IL15RA: variants seen among roughly 807,000 people sequenced by gnomAD.
IL15RA encodes the protein interleukin-15 receptor subunit alpha.
IL15RA carries 26 observed loss-of-function variants against 24.2 expected under a neutral mutation model. That is an observed-to-expected ratio of 1.07 (90% confidence interval 0.79 to 1.49). The LOEUF (loss-of-function observed/expected upper bound fraction) is 1.49. IL15RA is among the 40% of genes most tolerant of loss of function. IL15RA has a pLI of 0.00. For synonymous variants in IL15RA, 166 were observed against 157.6 expected (o/e 1.05, Z -0.40); for missense variants, 354 against 356.4 (o/e 0.99, Z 0.05).
At position 5,961,488 on chromosome 10, in the gene IL15RA, A is replaced by G. The variant is rs11574674; in HGVS notation, c.383-921T>C. Among the ~76,000 whole-genome samples, 17,995 of 152,264 alleles carry G rather than the reference A, an allele frequency of 0.12. 1,292 individuals carry two copies. Among genetic ancestry groups the G allele is most frequent in the Non-Finnish European group, 0.16 (11,189 of 68,008 alleles). ...TTGTTTACTAGAGAAGGCAGGCCCAACGCTGGAGGCTCAGCTGAGAGCAGG... is the reference window on the plus strand; with the variant it reads ...TTGTTTACTAGAGAAGGCAGGCCCAGCGCTGGAGGCTCAGCTGAGAGCAGG... On this transcript the variant is annotated intron_variant, in intron 3 of 6. Coordinates refer to ENST00000379977, the MANE Select transcript of IL15RA (RefSeq NM_002189.4). The surrounding 1 kb of genome is among the most constrained non-coding windows in gnomAD (Gnocchi z 5.2).
intron 5 of IL15RA, among the ~76,000 whole-genome samples, chr10:5,957,403 G>A (rs1834707753): frequency 6.6e-6 from 1 of 151,960 alleles, no homozygotes; most frequent in Non-Finnish European, 1.5e-5. Context: ...AGCCTCCCGA[G>A]TAGCTGGGAC....
At chr10:5,969,424 G>A (rs1454603810) in intron 1 of IL15RA, among the ~76,000 whole-genome samples, 10 of 152,002 alleles carry the variant, frequency 6.6e-5, no homozygotes, top group Admixed American at 5.9e-4. Flanking sequence ...CCAGCGGGGA[G>A]TGCAGTGGCA....
chr10:5,961,021 C>T lies in IL15RA; in HGVS notation c.383-454G>A, dbSNP rs1835420205. 6.6e-6 allele frequency among the ~76,000 whole-genome samples: 1 copy of T among 152,184 alleles called. No individual in the cohort carries two copies. Among genetic ancestry groups the T allele is most frequent in the African/African-American group, 2.4e-5 (1 of 41,432 alleles). On this transcript the variant is annotated intron_variant, in intron 3 of 6. Coordinates refer to ENST00000379977, the MANE Select transcript of IL15RA (RefSeq NM_002189.4). This position sits in a 1 kb window ranked among gnomAD's most constrained non-coding sequence, Gnocchi z 5.2. ...CTCTGCCTTCCGGGTTCAGGCAATT[C>T]TCCCTGCCTCAGCCTCCCAAGTAGC...
Position 5,977,478 on chromosome 10 carries a change from C to G in IL15RA, c.15G>C (p.Arg5=). 1 of 1,358,906 alleles carries G rather than the reference C, an allele frequency of 7.4e-7. No homozygotes were observed. Among genetic ancestry groups the G allele is most frequent in the Non-Finnish European group, 9.5e-7 (1 of 1,057,756 alleles). 84.2% of individuals were successfully genotyped at this position (1,358,906 alleles called of 1,614,324 possible). ...GACCGAGGGTCCGGCAGCCGCGCGC[C>G]CGCCGCGGGGCCATGGCGGCAGCTC... MAPR[R]ARGCRTLGLP... is the part of the protein sequence containing the mutation. The change falls in exon 1 of 7, where the codon CGG becomes CGC. Residue 5 remains arginine, a synonymous_variant. Transcript: ENST00000379977.
chr10:5,957,266 A>G (rs998964870), intron 5 of IL15RA, among the ~76,000 whole-genome samples: 1 of 150,522 alleles, frequency 6.6e-6, no homozygotes, highest in Non-Finnish European at 1.5e-5. Context: ...CAGTCTACCT[A>G]CAACTTTTTC....
In IL15RA at chr10:5,973,418, A is replaced by G. The variant is rs8177653; in HGVS notation, c.88+3987T>C. On this transcript the variant is annotated intron_variant, in intron 1 of 6. Coordinates refer to ENST00000379977, the MANE Select transcript of IL15RA (RefSeq NM_002189.4). This position sits in a 1 kb window ranked among gnomAD's most constrained non-coding sequence, Gnocchi z 4.5. ...TTAATGTTATTTCAAATGACTTTTT[A>G]AAGTTTTTTAATTTCTAATTGTTCA... 0.35 allele frequency among the ~76,000 whole-genome samples: 53,654 copies of G among 151,684 alleles called. 10,066 individuals carry two copies. Among genetic ancestry groups the G allele is most frequent in the African/African-American group, 0.47 (19,598 of 41,268 alleles).
Position 5,953,161 on chromosome 10 carries a change from A to G in IL15RA, c.738T>C (p.Ala246=), listed in dbSNP as rs771648736. 6.2e-7 allele frequency: 1 copy of G among 1,614,244 alleles called. No homozygotes were observed. The highest frequency in any genetic ancestry group is 8.5e-7 in the Non-Finnish European group (1 of 1,180,040). Residue 246 remains alanine (A), a synonymous_variant, in exon 7 of 7, where the codon GCT becomes GCC. Coordinates refer to ENST00000379977, the MANE Select transcript of IL15RA (RefSeq NM_002189.4). The surrounding 1 kb of genome is among the most constrained non-coding windows in gnomAD (Gnocchi z 5.3). ...LASVEMEAME[A]LPVTWGTSSR... is the part of the protein sequence containing the mutation. Reference sequence around the variant, plus strand: ...TGCTGGTCCCCCAAGTCACCGGCAGAGCCTCCATGGCTTCCATTTCAACGC... The same window carrying G: ...TGCTGGTCCCCCAAGTCACCGGCAGGGCCTCCATGGCTTCCATTTCAACGC...
In IL15RA at chr10:5,965,814, G is replaced by A. The variant is rs146050344; in HGVS notation, c.283+331C>T. 6.1e-3 allele frequency among the ~76,000 whole-genome samples: 928 copies of A among 152,142 alleles called. 17 individuals carry two copies. The highest frequency in any genetic ancestry group is 0.045 in the South Asian group (218 of 4,810). The stretch of plus-strand genomic sequence containing the variant: ...CGGCTCACTGTGACCTCTACCTCCC[G>A]GGTTCAAGCAATTCTCCTGCCTCAA... On this transcript the variant is annotated intron_variant, in intron 2 of 6. Transcript: ENST00000379977. The surrounding 1 kb of genome is among the most constrained non-coding windows in gnomAD (Gnocchi z 5.8).
chr10:5,949,786 TGG>T (rs1833747875), downstream of IL15RA, among the ~76,000 whole-genome samples: 1 of 152,026 alleles, frequency 6.6e-6, no homozygotes, highest in Non-Finnish European at 1.5e-5. The surrounding 1 kb of genome is among the most constrained non-coding windows in gnomAD (Gnocchi z 4.4). Context: ...TTTAAAAAAG[TGG>T]TGGGGGGAGT....
At position 5,968,435 on chromosome 10, in the gene IL15RA, G is replaced by A. The variant is rs1412499071; in HGVS notation, c.89-2096C>T. Among the ~76,000 whole-genome samples the A allele has an allele frequency of 3.9e-5, 6 of 152,282 alleles. No homozygotes were observed. The highest frequency in any genetic ancestry group is 1.9e-4 in the East Asian group (1 of 5,184). On this transcript the variant is annotated intron_variant, in intron 1 of 6. Coordinates refer to ENST00000379977, the MANE Select transcript of IL15RA (RefSeq NM_002189.4). This position sits in a 1 kb window ranked among gnomAD's most constrained non-coding sequence, Gnocchi z 5.4. ...CCTTCTCCTCTGTCACAGGGGCAGC[G>A]CTCTGCTCACTTCCTGTCTCAGGCA...
intron 5 of IL15RA, among the ~76,000 whole-genome samples, chr10:5,957,625 C>A (rs188990610): frequency 0.037 from 5,379 of 145,086 alleles, 113 homozygotes; most frequent in Middle Eastern, 0.073. Flanking sequence ...CGGAATCTCA[C>A]TGTGTTGCCC....
In IL15RA at chr10:5,960,465, G is replaced by T. The variant is rs777175184; in HGVS notation, c.485C>A (p.Thr162Asn). 6.2e-7 allele frequency: 1 copy of T among 1,614,136 alleles called. No homozygotes were observed. The highest frequency in any genetic ancestry group is 1.1e-5 in the South Asian group (1 of 91,068). ...LMPSKSPSTG[T>N]TEISSHESSH... The stretch of plus-strand genomic sequence containing the variant: ...GGACTCATGACTGCTTATCTCTGTG[G>T]TTCCTGTGGAAGGTGATTTTGAAGG... The change falls in exon 4 of 7, where the codon ACC becomes AAC. Residue 162 changes from threonine to asparagine, a missense_variant. Transcript: ENST00000379977. The surrounding 1 kb of genome is among the most constrained non-coding windows in gnomAD (Gnocchi z 5.1).
chr10:5,956,204 G>C (rs1012033252), intron 6 of IL15RA, among the ~76,000 whole-genome samples, 175 bp downstream of exon 6: 1 of 152,048 alleles, frequency 6.6e-6, no homozygotes, highest in African/African-American at 2.4e-5. Flanking sequence ...TAGTAGAGAC[G>C]AGGTTCCACC....
chr10:5,956,518 C>T (rs1834542988), intron 5 of IL15RA, 64 bp from the exon 6 acceptor site: 15 of 1,232,836 alleles, frequency 1.2e-5, no homozygotes, highest in South Asian at 7.4e-5. Flanking sequence ...ACCACAAATT[C>T]TTTACCATGG....
chr10:5,953,994 A>G lies in IL15RA; in HGVS notation c.693-788T>C, dbSNP rs1834153831. 2 of 152,176 alleles carry G rather than the reference A, an allele frequency of 1.3e-5. No homozygotes were observed. The highest frequency in any genetic ancestry group is 4.1e-4 in the South Asian group (2 of 4,822). The allele number at this position is 152,176 out of a possible 1,614,324, so 9.4% of individuals were successfully genotyped here. On this transcript the variant is annotated intron_variant, in intron 6 of 6. Transcript: ENST00000379977. The surrounding 1 kb of genome is among the most constrained non-coding windows in gnomAD (Gnocchi z 5.3). ...AAGGTAAGCAGTGTGAGCTCCCTGG[A>G]GTGAGAGCTAAAATAAGGCAGGATG...
Position 5,953,298 on chromosome 10 carries a change from T to C in IL15RA, c.693-92A>G, listed in dbSNP as rs768847549. On this transcript the variant is annotated intron_variant, in intron 6 of 6. Coordinates refer to ENST00000379977, the MANE Select transcript of IL15RA (RefSeq NM_002189.4). This position sits in a 1 kb window ranked among gnomAD's most constrained non-coding sequence, Gnocchi z 5.3. ...CCCACTGAGCATGTATGTCCAGCAC[T>C]GCGGGGATGGCAGGAGCAGACAGAG... 1 of 912,732 alleles carries C rather than the reference T, an allele frequency of 1.1e-6. No individual in the cohort carries two copies. The highest frequency in any genetic ancestry group is 1.8e-6 in the Non-Finnish European group (1 of 552,384). 56.5% of individuals were successfully genotyped at this position (912,732 alleles called of 1,614,324 possible). A position where few individuals can be genotyped will look rare whatever the true frequency, so the allele number is the denominator to read the frequency against.
Position 5,953,098 on chromosome 10 carries a change from T to C in IL15RA, c.801A>G (p.Leu267=), listed in dbSNP as rs199891622. 20 of 1,611,252 alleles carry C rather than the reference T, an allele frequency of 1.2e-5. No individual in the cohort carries two copies. The highest frequency in any genetic ancestry group is 2.2e-5 in the South Asian group (2 of 91,024). The part of the protein sequence containing the change: ...DEDLENCSHH[L] ...GCTGGGCTGGTTTCCCCGAGTTTCATAGGTGGTGAGAGCAGTTTTCCAAGT... is the reference window on the plus strand; with the variant it reads ...GCTGGGCTGGTTTCCCCGAGTTTCACAGGTGGTGAGAGCAGTTTTCCAAGT... Residue 267 remains leucine, a synonymous_variant, in exon 7 of 7, where the codon CTA becomes CTG. Transcript: ENST00000379977. The surrounding 1 kb of genome is among the most constrained non-coding windows in gnomAD (Gnocchi z 5.3).
At position 5,962,402 on chromosome 10, in the gene IL15RA, A is replaced by T. The variant is rs1423998146; in HGVS notation, c.382+1341T>A. 6.6e-6 allele frequency among the ~76,000 whole-genome samples: 1 copy of T among 152,042 alleles called. No homozygotes were observed. The highest frequency in any genetic ancestry group is 1.5e-5 in the Non-Finnish European group (1 of 67,972). Reference sequence around the variant, plus strand: ...AGGTCAGGAGTTTGAGACCAGACTGACCAACATGGTGAAACCCTGTCTCTA... The same window carrying T: ...AGGTCAGGAGTTTGAGACCAGACTGTCCAACATGGTGAAACCCTGTCTCTA... On this transcript the variant is annotated intron_variant, in intron 3 of 6. Coordinates refer to ENST00000379977, the MANE Select transcript of IL15RA (RefSeq NM_002189.4). The surrounding 1 kb of genome is among the most constrained non-coding windows in gnomAD (Gnocchi z 5.2).
Position 5,971,506 on chromosome 10 carries a change from C to T in IL15RA, c.89-5167G>A, listed in dbSNP as rs377710452. ...TCCATATCCAGAGTTCAGAGGTTGTCGGGTTAGCGTGGCTCCCAATCCTGT... is the reference window on the plus strand; with the variant it reads ...TCCATATCCAGAGTTCAGAGGTTGTTGGGTTAGCGTGGCTCCCAATCCTGT... On this transcript the variant is annotated intron_variant, in intron 1 of 6. Coordinates refer to ENST00000379977, the MANE Select transcript of IL15RA (RefSeq NM_002189.4). This position sits in a 1 kb window ranked among gnomAD's most constrained non-coding sequence, Gnocchi z 5.5. Among the ~76,000 whole-genome samples the T allele has an allele frequency of 4.6e-5, 7 of 152,158 alleles. No homozygotes were observed. The highest frequency in any genetic ancestry group is 7.3e-5 in the Non-Finnish European group (5 of 68,036).
Sources: allele counts gnomAD v4.1 joint callset (sites outside exome capture counted in the v4.1 genomes callset), GRCh38; gene constraint gnomAD v4.1.1; non-coding constraint Gnocchi (gnomAD v3.1); transcripts MANE v1.5; gene names NCBI Gene and HGNC (gene_info 2026-07-23, HGNC 2026-07-21).